Variants in CDH8 observed in about 807,000 individuals in gnomAD.
CDH8 encodes the protein cadherin-8.
A neutral mutation model predicts 68.1 loss-of-function variants in CDH8; 17 were observed. The observed-to-expected ratio is 0.25, with a 90% CI of 0.17 to 0.37. The LOEUF is 0.37. CDH8 is among the 10% of genes least tolerant of loss of function. The pLI, the probability that CDH8 is intolerant of heterozygous loss-of-function variation, is 1.00. For synonymous variants in CDH8, 372 were observed against 365.1 expected (o/e 1.02, Z -0.21); for missense variants, 763 against 999.3 (o/e 0.76, Z 3.19).
intron 10 of CDH8, among the ~76,000 whole-genome samples, chr16:61,686,599 T>C (rs537803902): frequency 6.6e-6 from 1 of 152,108 alleles, no homozygotes; most frequent in African/African-American, 2.4e-5. Flanking sequence ...TGTCGCTGTC[T>C]TCTACAGGCT....
chr16:61,892,077 TTTAA>T (rs1428313942), intron 3 of CDH8, among the ~76,000 whole-genome samples: 6 of 152,200 alleles, frequency 3.9e-5, no homozygotes, highest in Admixed American at 6.5e-5. Flanking sequence ...AATGAGCCTC[TTTAA>T]TTATTAGTTC....
intron 2 of CDH8, among the ~76,000 whole-genome samples, chr16:61,980,576 A>G: frequency 6.6e-6 from 1 of 152,166 alleles, no homozygotes; most frequent in East Asian, 1.9e-4. Context: ...GTCAGTTATG[A>G]TGAATCCCGT....
chr16:61,772,107 A>G (rs1463360797), intron 8 of CDH8, among the ~76,000 whole-genome samples: 9 of 152,078 alleles, frequency 5.9e-5, no homozygotes, highest in Admixed American at 2.0e-4. Flanking sequence ...CTAAATATCC[A>G]AATTCCTCTG....
intron 2 of CDH8, among the ~76,000 whole-genome samples, chr16:61,966,762 T>A (rs1171849945): frequency 6.6e-6 from 1 of 152,182 alleles, no homozygotes. Flanking sequence ...AATGAGCAAT[T>A]TTTAATTTTA....
intron 2 of CDH8, among the ~76,000 whole-genome samples, chr16:61,902,131 T>C (rs1195953751): frequency 1.3e-5 from 2 of 152,142 alleles, no homozygotes; most frequent in African/African-American, 2.4e-5. Context: ...TCCAGGAAAA[T>C]CATTCCCATT....
chr16:61,932,099 C>T (rs978777680), intron 2 of CDH8, among the ~76,000 whole-genome samples: 9 of 150,818 alleles, frequency 6.0e-5, no homozygotes, highest in Non-Finnish European at 1.3e-4. Context: ...CCCAGCTACT[C>T]GGGAAGCTGA....
At chr16:61,699,700 A>G (rs1300992204) in intron 10 of CDH8, among the ~76,000 whole-genome samples, 1 of 152,066 alleles carries the variant, frequency 6.6e-6, no homozygotes, top group East Asian at 1.9e-4. Flanking sequence ...TTGGCCTCTC[A>G]AGTAGTTGGG....
chr16:61,961,605 T>G (rs1965156186), intron 2 of CDH8, among the ~76,000 whole-genome samples: 2 of 152,186 alleles, frequency 1.3e-5, no homozygotes, highest in African/African-American at 2.4e-5. Context: ...CGGAAGAATC[T>G]TCTGTTTACT....
rs1597102630 is a variant in CDH8 at position 61,975,362 on chromosome 16, G to A, written c.252+45790C>T. ...AAATCAATATTGTCAGATATAGAAT[G>A]GTGGGGTTTAATTCAAGCTCCACCT... On this transcript the variant is annotated intron_variant, in intron 2 of 11. Transcript: ENST00000577390. Among the ~76,000 whole-genome samples, 5 of 152,262 alleles carry A rather than the reference G, an allele frequency of 3.3e-5. No individual in the cohort carries two copies. In the South Asian group the frequency reaches 1.0e-3, roughly 32 times the overall value.
chr16:61,647,470 G>C lies in CDH8; in HGVS notation c.*6138C>G, dbSNP rs577530954. Reference sequence around the variant, plus strand: ...TAAAGCAGAGTAACGTTGGAAAGGTGGGGGGGGTGATCCCAGTGACTCCTA... The same window carrying C: ...TAAAGCAGAGTAACGTTGGAAAGGTCGGGGGGGTGATCCCAGTGACTCCTA... On this transcript the variant is annotated 3_prime_UTR_variant, in exon 12 of 12. Coordinates refer to ENST00000577390, the MANE Select transcript of CDH8 (RefSeq NM_001796.5). The C allele has an allele frequency of 1.0e-4, 2 of 19,538 alleles. No homozygotes were observed. The highest frequency in any genetic ancestry group is 6.4e-4 in the East Asian group (1 of 1,562). 1.2% of individuals were successfully genotyped at this position (19,538 alleles called of 1,614,324 possible).
chr16:62,019,654 T>G (rs971156507), intron 2 of CDH8, among the ~76,000 whole-genome samples: 4 of 152,130 alleles, frequency 2.6e-5, no homozygotes, highest in African/African-American at 9.7e-5. Context: ...TATAATAGCC[T>G]CAAGTCGGTT....
chr16:61,802,160 T>TGACCCCC (rs1194850766), intron 7 of CDH8, among the ~76,000 whole-genome samples: 4 of 121,942 alleles, frequency 3.3e-5, no homozygotes, highest in African/African-American at 1.4e-4. Flanking sequence ...CCCTGACCCC[T>TGACCCCC]GACCCCCGAG....
intron 1 of CDH8, among the ~76,000 whole-genome samples, chr16:62,032,388 A>G (rs1241470585): frequency 6.6e-6 from 1 of 152,124 alleles, no homozygotes; most frequent in Non-Finnish European, 1.5e-5. Flanking sequence ...AACAAGAATT[A>G]TCATTGGTTT....
At chr16:61,943,934 T>C (rs928144616) in intron 2 of CDH8, among the ~76,000 whole-genome samples, 22 of 152,154 alleles carry the variant, frequency 1.4e-4, no homozygotes, top group African/African-American at 5.1e-4. Flanking sequence ...GGGAATCAAT[T>C]TACCAAAGCC....
intron 2 of CDH8, among the ~76,000 whole-genome samples, chr16:61,985,302 G>T (rs1467553227): frequency 6.6e-6 from 1 of 152,088 alleles, no homozygotes; most frequent in African/African-American, 2.4e-5. Flanking sequence ...ATATGTCAAA[G>T]AAAATTTATA....
rs1246366675 is a variant in CDH8, at chr16:62,013,064, C to A, written c.252+8088G>T. Among the ~76,000 whole-genome samples, 4 of 33,924 alleles carry A rather than the reference C, an allele frequency of 1.2e-4. 2 individuals carry two copies. Among genetic ancestry groups the A allele is most frequent in the African/African-American group, 3.8e-4 (4 of 10,640 alleles). The allele number at this position is 33,924 out of a possible 152,430, so 22.3% of individuals were successfully genotyped here. A position where few individuals can be genotyped will look rare whatever the true frequency, so the allele number is the denominator to read the frequency against. ...GGTCAGGAGATCGAGACCATCCTGG[C>A]TAACAAGGTGAAACCCCGTCTCTAC... On this transcript the variant is annotated intron_variant, in intron 2 of 11. Transcript: ENST00000577390.
intron 10 of CDH8, among the ~76,000 whole-genome samples, chr16:61,703,833 TA>T (rs1038070136): frequency 0.026 from 3,822 of 147,318 alleles, 172 homozygotes; most frequent in African/African-American, 0.089. Context: ...AGACTCCATA[TA>T]AAAAAAAAAA....
At chr16:61,922,897 T>C (rs1964393668) in intron 2 of CDH8, among the ~76,000 whole-genome samples, 1 of 152,216 alleles carries the variant, frequency 6.6e-6, no homozygotes, top group African/African-American at 2.4e-5. Flanking sequence ...TAGATGAATA[T>C]AGTTCAAAGT....
chr16:61,782,728 G>T (rs1319739848), intron 8 of CDH8, among the ~76,000 whole-genome samples: 1 of 152,178 alleles, frequency 6.6e-6, no homozygotes, highest in African/African-American at 2.4e-5. Context: ...CTCCCAGCAT[G>T]CAGCTGGAGA....
Sources: allele counts gnomAD v4.1 joint callset (sites outside exome capture counted in the v4.1 genomes callset), GRCh38; gene constraint gnomAD v4.1.1; transcripts MANE v1.5; gene names NCBI Gene and HGNC (gene_info 2026-07-23, HGNC 2026-07-21).